SLIT2: variants seen among roughly 807,000 people sequenced by gnomAD.
SLIT2 encodes the protein slit guidance ligand 2.
Under a neutral mutation model 185.7 loss-of-function variants are expected in SLIT2, and 41 were observed. The ratio of observed to expected loss-of-function variants is 0.22; its 90% CI spans 0.17 to 0.29. The LOEUF (loss-of-function observed/expected upper bound fraction) is 0.29. Among genes scored for constraint, SLIT2 ranks in the 10% least tolerant of loss-of-function variants. SLIT2 has a pLI of 1.00. For synonymous variants in SLIT2, 693 were observed against 680.2 expected (o/e 1.02, Z -0.29); for missense variants, 1,571 against 1,909.0 (o/e 0.82, Z 3.30).
chr4:20,611,314 A>C (rs568739879), intron 34 of SLIT2, among the ~76,000 whole-genome samples: 1 of 152,336 alleles, frequency 6.6e-6, no homozygotes, highest in Non-Finnish European at 1.5e-5. Flanking sequence ...GACAGTCTTA[A>C]CATTTTGACA....
rs974010065 is a variant in SLIT2, at chr4:20,259,001, A to G, written c.323+1062A>G. 3.3e-5 allele frequency among the ~76,000 whole-genome samples: 5 copies of G among 151,766 alleles called. No individual in the cohort carries two copies. The East Asian group carries it at 9.6e-4, about 29-fold the overall frequency. On this transcript the variant is annotated intron_variant, in intron 3 of 36. Transcript: ENST00000504154. Reference sequence around the variant, plus strand: ...TTGTCCCCTTCCAAGATATTTATAAATATATAGACTATATTTTTATCACCT... The same window carrying G: ...TTGTCCCCTTCCAAGATATTTATAAGTATATAGACTATATTTTTATCACCT...
intron 4 of SLIT2, among the ~76,000 whole-genome samples, chr4:20,401,293 C>G (rs1001269271): frequency 1.3e-5 from 2 of 151,850 alleles, no homozygotes; most frequent in Non-Finnish European, 2.9e-5. Flanking sequence ...TATAATTAAT[C>G]ATGTTGATCA....
At position 20,319,294 on chromosome 4, in the gene SLIT2, A is replaced by G. The variant is rs79567233; in HGVS notation, c.395+50413A>G. Among the ~76,000 whole-genome samples the G allele has an allele frequency of 5.5e-3, 836 of 152,268 alleles. 6 individuals carry two copies. Among genetic ancestry groups the G allele is most frequent in the African/African-American group, 0.019 (770 of 41,564 alleles). On this transcript the variant is annotated intron_variant, in intron 4 of 36. Coordinates refer to ENST00000504154, the MANE Select transcript of SLIT2 (RefSeq NM_004787.4). The stretch of plus-strand genomic sequence containing the variant: ...AATTTGTTACCCAGTGCATTGTATG[A>G]GTGTACAAAAGTATTATTGTACTTG...
chr4:20,419,892 C>T (rs926808932), intron 4 of SLIT2, among the ~76,000 whole-genome samples: 31 of 152,134 alleles, frequency 2.0e-4, no homozygotes, highest in Admixed American at 1.2e-3. Flanking sequence ...GATTTCCTTG[C>T]GCCTATGTCT....
At position 20,533,578 on chromosome 4, in the gene SLIT2, T is replaced by C. The variant is rs1303397035; in HGVS notation, c.1695T>C (p.Phe565=). 2 of 1,605,228 alleles carry C rather than the reference T, an allele frequency of 1.2e-6. No homozygotes were observed. Among genetic ancestry groups the C allele is most frequent in the Admixed American group, 3.4e-5 (2 of 58,684 alleles). The change falls in exon 18 of 37, where the codon TTT becomes TTC. Residue 565 remains phenylalanine (F), a synonymous_variant. Coordinates refer to ENST00000504154, the MANE Select transcript of SLIT2 (RefSeq NM_004787.4). ...TCCAACAATTTTTATTTAGAAACTT[T>C]AGCAACAATAAGATCACAGATATTG... ...KKLPQLRKIN[F]SNNKITDIEE...
chr4:20,358,823 A>G (rs1722531721), intron 4 of SLIT2, among the ~76,000 whole-genome samples: 1 of 152,186 alleles, frequency 6.6e-6, no homozygotes, highest in South Asian at 2.1e-4. Flanking sequence ...GGGGCAGATA[A>G]ACATGAGATG....
At chr4:20,414,237 T>A (rs1727482840) in intron 4 of SLIT2, among the ~76,000 whole-genome samples, 1 of 152,166 alleles carries the variant, frequency 6.6e-6, no homozygotes, top group Non-Finnish European at 1.5e-5. Flanking sequence ...CCAACTTGAT[T>A]TCATTTGTAT....
chr4:20,492,628 C>G (rs949762628), intron 9 of SLIT2, among the ~76,000 whole-genome samples: 13 of 152,232 alleles, frequency 8.5e-5, no homozygotes, highest in African/African-American at 3.1e-4. Flanking sequence ...TATTCATTGA[C>G]AAAACCCCTT....
intron 4 of SLIT2, among the ~76,000 whole-genome samples, chr4:20,362,762 G>A (rs1248993740): frequency 6.6e-6 from 1 of 151,682 alleles, no homozygotes; most frequent in Non-Finnish European, 1.5e-5. Context: ...TATTCTGGAA[G>A]GTTTTGCTTC....
intron 4 of SLIT2, among the ~76,000 whole-genome samples, chr4:20,390,030 A>G (rs974318174): frequency 6.6e-6 from 1 of 152,100 alleles, no homozygotes; most frequent in African/African-American, 2.4e-5. Context: ...GTTTTGCTCT[A>G]TAAGAAGTTA....
intron 11 of SLIT2, among the ~76,000 whole-genome samples, chr4:20,513,122 C>T (rs993820501): frequency 2.0e-5 from 3 of 152,152 alleles, no homozygotes; most frequent in South Asian, 2.1e-4. Context: ...TCTAAGGCCT[C>T]ATGATGAGAG....
chr4:20,433,177 C>G (rs1454298884), intron 4 of SLIT2, among the ~76,000 whole-genome samples: 3 of 152,166 alleles, frequency 2.0e-5, no homozygotes, highest in Non-Finnish European at 2.9e-5. Context: ...CCACTAGAAG[C>G]TGTTAGAATG....
intron 11 of SLIT2, among the ~76,000 whole-genome samples, chr4:20,514,315 T>C (rs991238012): frequency 6.6e-6 from 1 of 152,180 alleles, no homozygotes; most frequent in African/African-American, 2.4e-5. Context: ...GGTGATATGA[T>C]GCCAAGCACC....
intron 4 of SLIT2, among the ~76,000 whole-genome samples, chr4:20,294,168 C>T (rs186253524): frequency 4.6e-5 from 7 of 151,834 alleles, no homozygotes; most frequent in Admixed American, 6.6e-5. Context: ...GCCAACATGA[C>T]GAAACCCTGT....
rs533886311 is a variant in SLIT2, at chr4:20,437,783, C to T, written c.396-29969C>T. ...AAAAAAAATTAGCTGGGCATGGTGG[C>T]GGGCACCTGTAGTCCCAGCTACTTG... is the stretch of plus-strand genomic sequence containing the variant. On this transcript the variant is annotated intron_variant, in intron 4 of 36. Coordinates refer to ENST00000504154, the MANE Select transcript of SLIT2 (RefSeq NM_004787.4). Among the ~76,000 whole-genome samples the T allele has an allele frequency of 2.6e-5, 4 of 151,708 alleles. No individual in the cohort carries two copies. The East Asian group carries it at 5.9e-4, about 22-fold the overall frequency.
intron 4 of SLIT2, among the ~76,000 whole-genome samples, chr4:20,357,172 T>C (rs1231522168): frequency 6.6e-6 from 1 of 152,166 alleles, no homozygotes; most frequent in African/African-American, 2.4e-5. Flanking sequence ...GGTTACATCA[T>C]GTTTCCATTA....
intron 4 of SLIT2, among the ~76,000 whole-genome samples, chr4:20,414,040 C>T (rs1727465858): frequency 6.6e-6 from 1 of 152,052 alleles, no homozygotes; most frequent in Admixed American, 6.6e-5. Flanking sequence ...GTTTTTCTCT[C>T]TTATTGCTTC....
chr4:20,376,296 T>G lies in SLIT2; in HGVS notation c.396-91456T>G, dbSNP rs549113653. On this transcript the variant is annotated intron_variant, in intron 4 of 36. Coordinates refer to ENST00000504154, the MANE Select transcript of SLIT2 (RefSeq NM_004787.4). ...TGAGAATGAAAAAGGCAAATGACATTTCAGTATTGTTACAAAAATAGTTCT... is the reference window on the plus strand; with the variant it reads ...TGAGAATGAAAAAGGCAAATGACATGTCAGTATTGTTACAAAAATAGTTCT... 3.3e-5 allele frequency among the ~76,000 whole-genome samples: 5 copies of G among 151,952 alleles called. No individual in the cohort carries two copies. The East Asian group carries it at 5.8e-4, about 18-fold the overall frequency.
rs1723449243 is a variant in SLIT2 at position 20,548,502 on chromosome 4, A to G, written c.2360A>G (p.Asn787Ser). The G allele has an allele frequency of 6.3e-7, 1 of 1,597,366 alleles. No individual in the cohort carries two copies. Among genetic ancestry groups the G allele is most frequent in the Non-Finnish European group, 8.6e-7 (1 of 1,165,168 alleles). ...KHLTLIDLSNNRISTLSNQSF... is the reference protein window; with the variant it reads ...KHLTLIDLSNSRISTLSNQSF... The stretch of plus-strand genomic sequence containing the variant: ...TTCTCTTTTAGAGACTTAAGTAACA[A>G]CAGAATAAGCACGCTTTCTAATCAG... Residue 787 changes from asparagine (N) to serine (S), a missense_variant, in exon 23 of 37, where the codon AAC becomes AGC. Around this residue, in one of 3 missense-constraint regions of SLIT2, gnomAD observed 1,202 missense variants for 1,416.4 expected, o/e 0.85. Transcript: ENST00000504154.
Sources: gnomAD v4.1 joint callset for allele counts (sites outside exome capture counted in the v4.1 genomes callset) on GRCh38, gnomAD v4.1.1 for gene constraint, gnomAD v4.1.1 regional missense constraint, MANE v1.5 for transcripts, NCBI Gene and HGNC (gene_info 2026-07-23, HGNC 2026-07-21) for gene names.